Variants in CELF2 observed in about 807,000 individuals in gnomAD.
CELF2 encodes the protein CUG triplet repeat RNA-binding protein 2.
CELF2 carries 8 observed loss-of-function variants against 62.6 expected under a neutral mutation model. The ratio of observed to expected loss-of-function variants is 0.13; its 90% CI spans 0.07 to 0.23. The LOEUF (loss-of-function observed/expected upper bound fraction) is 0.23, where lower values mean the gene tolerates loss of function less well. Ranked by LOEUF, CELF2 falls within the 10% of genes least tolerant of loss-of-function variation. CELF2 has a pLI of 1.00. For synonymous variants in CELF2, 258 were observed against 250.0 expected, an observed-to-expected ratio of 1.03 and a Z score of -0.30; for missense variants, 333 against 671.0, an observed-to-expected ratio of 0.50 and a Z score of 5.56.
chr10:11,233,725 A>G (rs990577154), intron 3 of CELF2, among the ~76,000 whole-genome samples: 15 of 152,156 alleles, frequency 9.9e-5, no homozygotes, highest in African/African-American at 3.6e-4. Flanking sequence ...CCAACCTCCA[A>G]CAGTGAAGAT....
chr10:10,979,234 A>G (rs2051747901), intron 2 of CELF2, among the ~76,000 whole-genome samples: 1 of 152,228 alleles, frequency 6.6e-6, no homozygotes, highest in South Asian at 2.1e-4. Flanking sequence ...TCTTGACGCC[A>G]GGCCTGTGCC....
intron 1 of CELF2, among the ~76,000 whole-genome samples, chr10:10,822,923 T>A (rs1369936125): frequency 2.6e-5 from 4 of 152,240 alleles, no homozygotes; most frequent in Admixed American, 6.5e-5. Context: ...TAAAGACCAT[T>A]TCTGTACAGA....
the CELF2 span, among the ~76,000 whole-genome samples, chr10:10,696,374 C>T: frequency 6.6e-6 from 1 of 151,680 alleles, no homozygotes; most frequent in East Asian, 1.9e-4. Context: ...AGATCTCCAG[C>T]TGCATGCTGG....
chr10:11,093,157 A>G (rs1162723839), intron 1 of CELF2, among the ~76,000 whole-genome samples: 2 of 152,140 alleles, frequency 1.3e-5, no homozygotes, highest in East Asian at 1.9e-4. Flanking sequence ...ATCTGCTGTT[A>G]AGTTGAGTTC....
chr10:11,279,176 G>T (rs558602463), intron 8 of CELF2, among the ~76,000 whole-genome samples: 15 of 152,324 alleles, frequency 9.8e-5, no homozygotes, highest in African/African-American at 3.4e-4. Flanking sequence ...AGCTGCGGCG[G>T]AAGTGTCTTT....
intron 1 of CELF2, among the ~76,000 whole-genome samples, chr10:10,899,021 G>A (rs2062755193): frequency 6.6e-6 from 1 of 152,164 alleles, no homozygotes; most frequent in Non-Finnish European, 1.5e-5. Context: ...ATGGTCATTA[G>A]AAAGTATTTT....
At chr10:11,172,278 C>T (rs1001995156) in intron 2 of CELF2, among the ~76,000 whole-genome samples, 1 of 152,086 alleles carries the variant, frequency 6.6e-6, no homozygotes, top group Non-Finnish European at 1.5e-5. Flanking sequence ...GTTGGCTGAC[C>T]GACGACCTAT....
intron 9 of CELF2, among the ~76,000 whole-genome samples, chr10:11,312,481 C>G (rs1455857980): frequency 6.6e-6 from 1 of 152,178 alleles, no homozygotes; most frequent in Non-Finnish European, 1.5e-5. Context: ...GCTCTTCTGC[C>G]TTAAAGTATT....
chr10:10,735,030 AT>A, the CELF2 span, among the ~76,000 whole-genome samples: 22 of 152,202 alleles, frequency 1.4e-4, no homozygotes, highest in East Asian at 9.6e-4. Flanking sequence ...TTAGGGTGGT[AT>A]TTTGGGAAAT....
intron 2 of CELF2, among the ~76,000 whole-genome samples, chr10:11,167,297 A>G (rs550714403): frequency 1.6e-4 from 24 of 152,362 alleles, no homozygotes; most frequent in Middle Eastern, 3.4e-3. Context: ...AAATCACCAA[A>G]TAAGGGCTCT....
At chr10:10,550,619 G>C in the CELF2 span, among the ~76,000 whole-genome samples, 4 of 152,212 alleles carry the variant, frequency 2.6e-5, no homozygotes, top group South Asian at 8.3e-4. Context: ...GTTGATGCTG[G>C]GAATCATGAT....
the CELF2 span, among the ~76,000 whole-genome samples, chr10:10,713,774 C>T: frequency 6.6e-6 from 1 of 152,158 alleles, no homozygotes; most frequent in Non-Finnish European, 1.5e-5. Context: ...GTGGCTCATG[C>T]CTGTATTCCC....
At chr10:10,744,703 C>T in the CELF2 span, among the ~76,000 whole-genome samples, 1 of 151,600 alleles carries the variant, frequency 6.6e-6, no homozygotes, top group African/African-American at 2.4e-5. Context: ...TAGCAAGCAT[C>T]CATGGAGTAT....
the CELF2 span, among the ~76,000 whole-genome samples, chr10:10,686,319 G>A: frequency 2.5e-5 from 2 of 81,016 alleles, no homozygotes; most frequent in Non-Finnish European, 4.5e-5. Flanking sequence ...TTGGGGGGGG[G>A]GGTGGGGTGG....
intron 8 of CELF2, among the ~76,000 whole-genome samples, chr10:11,283,994 T>G (rs574757239): frequency 4.4e-4 from 55 of 126,204 alleles, no homozygotes; most frequent in East Asian, 7.7e-4. Context: ...GTGTGGTGAG[T>G]GGATGAGGGA....
At chr10:10,633,676 A>G in the CELF2 span, among the ~76,000 whole-genome samples, 1 of 148,610 alleles carries the variant, frequency 6.7e-6, no homozygotes, top group Non-Finnish European at 1.5e-5. Context: ...CCTTAGAAAG[A>G]CCTTTTGTAC....
the CELF2 span, among the ~76,000 whole-genome samples, chr10:10,759,556 G>A: frequency 5.3e-5 from 8 of 151,496 alleles, no homozygotes; most frequent in East Asian, 2.0e-4. Context: ...GTGATCACCC[G>A]CCTCGGCCTC....
the CELF2 span, among the ~76,000 whole-genome samples, chr10:10,671,448 C>T: frequency 6.6e-6 from 1 of 152,022 alleles, no homozygotes. Flanking sequence ...GAGTAAATTC[C>T]AAGGACTGTG....
At chr10:11,020,894 G>C (rs1007157066) in intron 1 of CELF2, among the ~76,000 whole-genome samples, 1 of 152,170 alleles carries the variant, frequency 6.6e-6, no homozygotes, top group African/African-American at 2.4e-5. Context: ...TTAAACATTC[G>C]GTATCAAAAC....
Sources: gnomAD v4.1 joint callset for allele counts (sites outside exome capture counted in the v4.1 genomes callset) on GRCh38, gnomAD v4.1.1 for gene constraint, MANE v1.5 for transcripts, NCBI Gene and HGNC (gene_info 2026-07-23, HGNC 2026-07-21) for gene names.